LDLRAD3: variants seen among roughly 807,000 people sequenced by gnomAD.
LDLRAD3 encodes the protein low-density lipoprotein receptor class A domain-containing protein 3.
Under a neutral mutation model 29.4 loss-of-function variants are expected in LDLRAD3, and 20 were observed. The ratio of observed to expected loss-of-function variants is 0.68; its 90% CI spans 0.48 to 0.99. The LOEUF (loss-of-function observed/expected upper bound fraction) is 0.99. Ranked by LOEUF, LDLRAD3 falls within the 50% of genes least tolerant of loss-of-function variation. The pLI is 0.00. For synonymous variants in LDLRAD3, 157 were observed against 192.7 expected, an observed-to-expected ratio of 0.81 and a Z score of 1.53; for missense variants, 420 against 454.3, an observed-to-expected ratio of 0.92 and a Z score of 0.69.
chr11:36,116,594 C>G (rs1193081558), intron 4 of LDLRAD3, among the ~76,000 whole-genome samples: 2 of 152,014 alleles, frequency 1.3e-5, no homozygotes, highest in Non-Finnish European at 2.9e-5. Context: ...CATCCTTGGA[C>G]AAGAGAGACT....
chr11:36,044,865 G>A (rs956052633), intron 2 of LDLRAD3, among the ~76,000 whole-genome samples: 5 of 152,214 alleles, frequency 3.3e-5, no homozygotes, highest in East Asian at 1.9e-4. Context: ...GCTGCCATCC[G>A]CTGTTCTCAG....
At chr11:36,119,291 G>A (rs1853718721) in intron 4 of LDLRAD3, among the ~76,000 whole-genome samples, 2 of 152,144 alleles carry the variant, frequency 1.3e-5, no homozygotes, top group Non-Finnish European at 2.9e-5. Flanking sequence ...GCAAGTTTCT[G>A]TGTGGACATA....
chr11:36,052,759 T>G (rs1852547010), intron 2 of LDLRAD3, among the ~76,000 whole-genome samples: 1 of 152,234 alleles, frequency 6.6e-6, no homozygotes, highest in Non-Finnish European at 1.5e-5. Flanking sequence ...TGCTTGACCC[T>G]TCTTAGTTGT....
At chr11:36,211,267 C>G (rs1045314051) in intron 4 of LDLRAD3, among the ~76,000 whole-genome samples, 1 of 152,084 alleles carries the variant, frequency 6.6e-6, no homozygotes, top group African/African-American at 2.4e-5. Context: ...CTGGACTGAC[C>G]CCTGAGCTAG....
At chr11:36,076,345 C>A (rs1227326367) in intron 2 of LDLRAD3, among the ~76,000 whole-genome samples, 1 of 151,818 alleles carries the variant, frequency 6.6e-6, no homozygotes, top group East Asian at 1.9e-4. Flanking sequence ...AATTTTGGTT[C>A]AGTTTCAATG....
intron 1 of LDLRAD3, among the ~76,000 whole-genome samples, chr11:36,001,544 A>G (rs139677658): frequency 1.3e-5 from 2 of 152,242 alleles, no homozygotes; most frequent in African/African-American, 4.8e-5. Flanking sequence ...CTTCAGAATC[A>G]AAGCTCAACC....
intron 4 of LDLRAD3, among the ~76,000 whole-genome samples, chr11:36,177,362 G>C (rs974703322): frequency 3.9e-5 from 6 of 152,192 alleles, no homozygotes; most frequent in African/African-American, 1.4e-4. Context: ...TGGTGAGCTA[G>C]TGTGATCTTT....
intron 1 of LDLRAD3, among the ~76,000 whole-genome samples, chr11:35,973,667 C>T (rs11033349): frequency 0.032 from 4,868 of 151,996 alleles, 144 homozygotes; most frequent in African/African-American, 0.078. Flanking sequence ...AGTGAGGTTT[C>T]GCCATGTTGC....
At chr11:35,999,173 TG>T (rs1334905639) in intron 1 of LDLRAD3, among the ~76,000 whole-genome samples, 1 of 152,150 alleles carries the variant, frequency 6.6e-6, no homozygotes, top group East Asian at 1.9e-4. Flanking sequence ...TGGCAGAATG[TG>T]TGTGTTCATG....
At chr11:36,183,497 G>A (rs1407495181) in intron 4 of LDLRAD3, among the ~76,000 whole-genome samples, 1 of 152,222 alleles carries the variant, frequency 6.6e-6, no homozygotes, top group Non-Finnish European at 1.5e-5. Context: ...TGCAGTCAGT[G>A]AAGGGTGAAA....
chr11:35,975,327 G>A (rs1054112257), intron 1 of LDLRAD3, among the ~76,000 whole-genome samples: 5 of 152,212 alleles, frequency 3.3e-5, no homozygotes, highest in African/African-American at 1.2e-4. Context: ...ACTTGAAGAT[G>A]TTGTCCTAGT....
chr11:36,065,400 G>T (rs540924914), intron 2 of LDLRAD3, among the ~76,000 whole-genome samples: 18 of 152,198 alleles, frequency 1.2e-4, no homozygotes, highest in African/African-American at 4.3e-4. Context: ...AGGATTGAAG[G>T]CACTGCTTTT....
chr11:36,098,281 G>A, intron 3 of LDLRAD3, 46 bp from the exon 4 acceptor site: 1 of 1,610,720 alleles, frequency 6.2e-7, no homozygotes, highest in South Asian at 1.1e-5. Flanking sequence ...GTCCCCAAGG[G>A]AACTTGCTGG....
intron 4 of LDLRAD3, among the ~76,000 whole-genome samples, chr11:36,121,955 G>A (rs1009170851): frequency 1.3e-5 from 2 of 152,128 alleles, no homozygotes; most frequent in Admixed American, 1.3e-4. Context: ...ACACCATTTC[G>A]GAATCCTTTG....
intron 4 of LDLRAD3, among the ~76,000 whole-genome samples, chr11:36,194,391 G>A (rs1855001504): frequency 6.6e-6 from 1 of 152,146 alleles, no homozygotes; most frequent in South Asian, 2.1e-4. Context: ...CTTCTAAGGG[G>A]CCAGGGAAGT....
At chr11:36,140,997 TCTCTCTC>T (rs1565252514) in intron 4 of LDLRAD3, among the ~76,000 whole-genome samples, 41 of 104,710 alleles carry the variant, frequency 3.9e-4, no homozygotes, top group African/African-American at 1.5e-3. Context: ...GAGCTTTCTC[TCTCTCTC>T]TCTCTCTCTC....
intron 3 of LDLRAD3, 132 bp downstream of exon 3, chr11:36,081,910 T>C: frequency 9.4e-7 from 1 of 1,063,618 alleles, no homozygotes. Flanking sequence ...ACCCAGATTC[T>C]GTTCTTCCCT....
chr11:35,977,141 A>C (rs116711629), intron 1 of LDLRAD3, among the ~76,000 whole-genome samples: 2,386 of 152,222 alleles, frequency 0.016, 67 homozygotes, highest in African/African-American at 0.054. Context: ...GCTCCATGCT[A>C]TCAGGGACCC....
chr11:36,031,403 A>G (rs1010549013), intron 1 of LDLRAD3, among the ~76,000 whole-genome samples: 1 of 152,178 alleles, frequency 6.6e-6, no homozygotes, highest in African/African-American at 2.4e-5. Flanking sequence ...TATTTTAACT[A>G]TGTATGTACA....
Sources: gnomAD v4.1 joint callset for allele counts (sites outside exome capture counted in the v4.1 genomes callset) on GRCh38, gnomAD v4.1.1 for gene constraint, MANE v1.5 for transcripts, NCBI Gene and HGNC (gene_info 2026-07-23, HGNC 2026-07-21) for gene names.